The following SWT1 variants were observed in gnomAD, a reference collection of about 807,000 sequenced individuals.
SWT1 encodes the protein transcriptional protein SWT1.
In SWT1, 33 loss-of-function variants were observed where a neutral mutation model predicts 107.3. That is an observed-to-expected ratio of 0.31 (90% confidence interval 0.23 to 0.41). The LOEUF (loss-of-function observed/expected upper bound fraction) is 0.41, where lower values mean the gene tolerates loss of function less well. Among genes scored for constraint, SWT1 ranks in the 10% least tolerant of loss-of-function variants. The pLI is 1.00. For missense variants in SWT1, 898 were observed against 1,028.9 expected (o/e 0.87, Z 1.74); for synonymous variants, 345 against 348.3 (o/e 0.99, Z 0.11).
chr1:185,269,090 G>T (rs2102723207), intron 16 of SWT1, among the ~76,000 whole-genome samples: 1 of 152,116 alleles, frequency 6.6e-6, no homozygotes, highest in East Asian at 1.9e-4. Context: ...CTGACCTCGT[G>T]ATTTGCCCGC....
chr1:185,162,469 G>C (rs904072022), intron 2 of SWT1, among the ~76,000 whole-genome samples: 1 of 152,140 alleles, frequency 6.6e-6, no homozygotes, highest in Non-Finnish European at 1.5e-5. Context: ...ATTGGTGACT[G>C]CTTCTCAGTG....
chr1:185,170,449 G>A (rs1654950406), intron 4 of SWT1, among the ~76,000 whole-genome samples: 1 of 152,138 alleles, frequency 6.6e-6, no homozygotes, highest in African/African-American at 2.4e-5. Flanking sequence ...GCATGAAGCA[G>A]CTGTTCCCTG....
At chr1:185,285,274 C>G (rs1326810870) in intron 18 of SWT1, among the ~76,000 whole-genome samples, 1 of 152,174 alleles carries the variant, frequency 6.6e-6, no homozygotes, top group Non-Finnish European at 1.5e-5. Context: ...TTATCTCACC[C>G]TTTCCTAGGG....
At chr1:185,261,622 G>A (rs1017123809) in intron 16 of SWT1, among the ~76,000 whole-genome samples, 1 of 150,650 alleles carries the variant, frequency 6.6e-6, no homozygotes, top group Non-Finnish European at 1.5e-5. Flanking sequence ...CAACAAGAGT[G>A]CACAAGGGTT....
At chr1:185,207,248 T>G (rs1658407283) in intron 13 of SWT1, among the ~76,000 whole-genome samples, 1 of 152,192 alleles carries the variant, frequency 6.6e-6, no homozygotes, top group African/African-American at 2.4e-5. Flanking sequence ...TGGTGTATAG[T>G]GAATTTTAGA....
intron 9 of SWT1, among the ~76,000 whole-genome samples, chr1:185,189,273 C>T (rs1656743878): frequency 6.6e-6 from 1 of 152,098 alleles, no homozygotes; most frequent in African/African-American, 2.4e-5. Context: ...ACAGGCACCA[C>T]CCACCTGGCC....
intron 10 of SWT1, among the ~76,000 whole-genome samples, chr1:185,197,805 C>T (rs1037394877): frequency 2.0e-5 from 3 of 151,824 alleles, no homozygotes; most frequent in African/African-American, 7.3e-5. Flanking sequence ...TGGTGATATC[C>T]CCTTTATCAT....
chr1:185,231,960 T>A (rs902563255), intron 16 of SWT1, among the ~76,000 whole-genome samples: 2 of 152,208 alleles, frequency 1.3e-5, no homozygotes, highest in African/African-American at 2.4e-5. Flanking sequence ...CTGTTCTTTG[T>A]AAATTAAAAC....
chr1:185,166,915 TA>T (rs1558005764), intron 3 of SWT1, among the ~76,000 whole-genome samples: 1 of 152,108 alleles, frequency 6.6e-6, no homozygotes, highest in Non-Finnish European at 1.5e-5. Context: ...TATATATATA[TA>T]TTTTTTTTGA....
At chr1:185,203,811 A>G (rs1471983128) in intron 11 of SWT1, among the ~76,000 whole-genome samples, 1 of 152,154 alleles carries the variant, frequency 6.6e-6, no homozygotes, top group African/African-American at 2.4e-5. Flanking sequence ...TTTATATATA[A>G]TTGTGAAAAT....
rs1665224203 is a variant in SWT1, at chr1:185,291,031, C to T, written c.*228C>T. The T allele has an allele frequency of 3.7e-6, 1 of 271,744 alleles. No individual in the cohort carries two copies. Among genetic ancestry groups the T allele is most frequent in the Non-Finnish European group, 6.9e-6 (1 of 144,190 alleles). 16.8% of individuals were successfully genotyped at this position (271,744 alleles called of 1,614,324 possible). Reference sequence around the variant, plus strand: ...TCAACTCTTCTGGAGTTCACAATGCCTCCCTACCTCTATTCTTGATAGTGA... The same window carrying T: ...TCAACTCTTCTGGAGTTCACAATGCTTCCCTACCTCTATTCTTGATAGTGA... On this transcript the variant is annotated 3_prime_UTR_variant, in exon 19 of 19. Transcript: ENST00000367500.
intron 10 of SWT1, among the ~76,000 whole-genome samples, chr1:185,195,936 G>C (rs1253761861): frequency 6.6e-5 from 10 of 152,168 alleles, no homozygotes; most frequent in Non-Finnish European, 1.3e-4. Context: ...CTCACATTCT[G>C]TAGGTTGCTT....
In SWT1 at chr1:185,231,557, C is replaced by A. The variant is rs371457115; in HGVS notation, c.2310-20C>A. The A allele has an allele frequency of 1.3e-6, 2 of 1,577,096 alleles. No homozygotes were observed. Among genetic ancestry groups the A allele is most frequent in the South Asian group, 1.1e-5 (1 of 88,534 alleles). ...AATATGTATGTATACCTATGAGTATCTTTTTTTTCTCTATTTTAGCACGGA... is the reference window on the plus strand; with the variant it reads ...AATATGTATGTATACCTATGAGTATATTTTTTTTCTCTATTTTAGCACGGA... On this transcript the variant is annotated intron_variant, in intron 15 of 18. Transcript: ENST00000367500.
At chr1:185,215,182 A>G (rs1450324412) in intron 14 of SWT1, among the ~76,000 whole-genome samples, 1 of 152,136 alleles carries the variant, frequency 6.6e-6, no homozygotes, top group Non-Finnish European at 1.5e-5. Context: ...AAATGTTAAT[A>G]TTTTGTCACA....
intron 14 of SWT1, among the ~76,000 whole-genome samples, chr1:185,219,518 T>C (rs540049976): frequency 5.3e-5 from 8 of 152,312 alleles, no homozygotes; most frequent in African/African-American, 1.7e-4. Context: ...AAGCTAATCC[T>C]TTGAAATAAT....
Position 185,243,716 on chromosome 1 carries a change from G to T in SWT1, c.2441+12008G>T, listed in dbSNP as rs1174998354. Among the ~76,000 whole-genome samples, 6 of 152,044 alleles carry T rather than the reference G, an allele frequency of 3.9e-5. No individual in the cohort carries two copies. In the East Asian group the frequency reaches 9.8e-4, roughly 25 times the overall value. On this transcript the variant is annotated intron_variant, in intron 16 of 18. Coordinates refer to ENST00000367500, the MANE Select transcript of SWT1 (RefSeq NM_017673.7). ...ATATACACTTTCTCTTAACAATAAG[G>T]TAACTGGAACTATTAAGTTTAAATT...
At position 185,174,466 on chromosome 1, in the gene SWT1, G is replaced by T; in HGVS notation, c.319G>T (p.Asp107Tyr). The T allele has an allele frequency of 6.2e-7, 1 of 1,610,172 alleles. No homozygotes were observed. The highest frequency in any genetic ancestry group is 8.5e-7 in the Non-Finnish European group (1 of 1,178,958). The change falls in exon 5 of 19, where the codon GAT becomes TAT. Residue 107 changes from aspartate (D) to tyrosine (Y), a missense_variant. Asp to Tyr is a radical substitution (Grantham distance 160). Transcript: ENST00000367500. ...ACTCAAAGAAGCATCATATTCAAAT[G>T]ATAATCAAATTATTTTGCAGAGTCC... Reference protein sequence around the residue: ...IKLKEASYSNDNQIILQSPSS... With the variant: ...IKLKEASYSNYNQIILQSPSS...
chr1:185,229,760 C>T (rs1317930124), intron 15 of SWT1, among the ~76,000 whole-genome samples: 1 of 151,936 alleles, frequency 6.6e-6, no homozygotes, highest in Non-Finnish European at 1.5e-5. Flanking sequence ...TTTTTACATT[C>T]TCTTTTTAGG....
chr1:185,253,711 C>T (rs2102657566), intron 16 of SWT1, among the ~76,000 whole-genome samples: 1 of 152,158 alleles, frequency 6.6e-6, no homozygotes. Flanking sequence ...GATATACAAT[C>T]ATGTCATCTG....
Sources: gnomAD v4.1 joint callset for allele counts (sites outside exome capture counted in the v4.1 genomes callset) on GRCh38, gnomAD v4.1.1 for gene constraint, MANE v1.5 for transcripts, NCBI Gene and HGNC (gene_info 2026-07-23, HGNC 2026-07-21) for gene names.